The following SERINC5 variants were observed in gnomAD, a reference collection of about 807,000 sequenced individuals.
SERINC5 encodes the protein serine incorporator 5, also known as chromosome 5 open reading frame 12.
In SERINC5, 41 loss-of-function variants were observed where a neutral mutation model predicts 63.1. The observed-to-expected ratio is 0.65, with a 90% CI of 0.51 to 0.84. The LOEUF (loss-of-function observed/expected upper bound fraction) is 0.84. SERINC5 is among the 40% of genes least tolerant of loss of function. The pLI, the probability that SERINC5 is intolerant of heterozygous loss-of-function variation, is 0.00. For synonymous variants in SERINC5, 222 were observed against 215.2 expected, an observed-to-expected ratio of 1.03 and a Z score of -0.28; for missense variants, 523 against 573.0, an observed-to-expected ratio of 0.91 and a Z score of 0.89.
intron 2 of SERINC5, among the ~76,000 whole-genome samples, chr5:80,192,388 T>C (rs1035647781): frequency 6.6e-6 from 1 of 152,006 alleles, no homozygotes; most frequent in African/African-American, 2.4e-5. Context: ...TGTCCTCAAA[T>C]GGAACTTGGG....
rs942438749 is a variant in SERINC5, at chr5:80,138,728, T to C, written c.*4935A>G. On this transcript the variant is annotated 3_prime_UTR_variant, in exon 12 of 12. Transcript: ENST00000507668. ...ATATACATATTTCAAAACATCATGT[T>C]GCACACCACAGATATATATCTTTTA... 1 of 745,416 alleles carries C rather than the reference T, an allele frequency of 1.3e-6. No individual in the cohort carries two copies. Among genetic ancestry groups the C allele is most frequent in the Non-Finnish European group, 1.6e-6 (1 of 611,230 alleles). The allele number at this position is 745,416 out of a possible 1,614,324, so 46.2% of individuals were successfully genotyped here.
chr5:80,198,107 A>C (rs1309504754), intron 2 of SERINC5, among the ~76,000 whole-genome samples: 3 of 152,020 alleles, frequency 2.0e-5, no homozygotes, highest in Non-Finnish European at 1.5e-5. Flanking sequence ...CAAAGTGCTG[A>C]CATTACAGGC....
At chr5:80,232,117 A>G (rs1405900576) in intron 1 of SERINC5, among the ~76,000 whole-genome samples, 16 of 151,532 alleles carry the variant, frequency 1.1e-4, no homozygotes, top group Non-Finnish European at 1.5e-5. Flanking sequence ...AAAAAAAAAA[A>G]AAAAAGGCCG....
At chr5:80,189,325 T>A (rs930023223) in intron 2 of SERINC5, among the ~76,000 whole-genome samples, 1 of 152,128 alleles carries the variant, frequency 6.6e-6, no homozygotes, top group African/African-American at 2.4e-5. Context: ...AAGGTCAACA[T>A]GTCAATCTTC....
At chr5:80,206,755 C>A (rs896130241) in intron 1 of SERINC5, among the ~76,000 whole-genome samples, 2 of 150,078 alleles carry the variant, frequency 1.3e-5, no homozygotes, top group African/African-American at 4.9e-5. Context: ...CTTTAGCTGG[C>A]TTTTCTCTGG....
At position 80,166,394 on chromosome 5, in the gene SERINC5, G is replaced by A. The variant is rs919359856; in HGVS notation, c.848C>T (p.Pro283Leu). Residue 283 changes from proline to leucine, a missense_variant, in exon 7 of 12, where the codon CCT (proline) becomes CTT (leucine). By Grantham distance (98) the Pro-to-Leu change is moderately conservative (BLOSUM62 -3). Coordinates refer to ENST00000507668, the MANE Select transcript of SERINC5 (RefSeq NM_001174072.3). ...ACAGGCTGGCTTACCTACTTCTGCA[G>A]GTTTGCTGGACAGAGCTGAGAAGGT... ...YLTFSALSSKPAEVVLDEHGK... is the reference protein window; with the variant it reads ...YLTFSALSSKLAEVVLDEHGK... 1 of 1,585,382 alleles carries A rather than the reference G, an allele frequency of 6.3e-7. No individual in the cohort carries two copies. Among genetic ancestry groups the A allele is most frequent in the African/African-American group, 1.3e-5 (1 of 74,428 alleles).
chr5:80,169,359 C>T lies in SERINC5; in HGVS notation c.739G>A (p.Ala247Thr), dbSNP rs1312144446. 4 of 1,613,904 alleles carry T rather than the reference C, an allele frequency of 2.5e-6. No homozygotes were observed. The South Asian group carries it at 3.3e-5, about 13-fold the overall frequency. The change falls in exon 6 of 12, where the codon GCC (alanine) becomes ACC (threonine). Residue 247 changes from alanine to threonine, a missense_variant. Transcript: ENST00000507668. ...CGATTTTGGACCCAGGGTGAGATGG[C>T]TACCAATGATATAAGCAGGCACAGG... ...GGLCLLISLVAISPWVQNRQP... is the reference protein window; with the variant it reads ...GGLCLLISLVTISPWVQNRQP...
Position 80,239,235 on chromosome 5 carries a change from T to A in SERINC5, c.27+16661A>T, listed in dbSNP as rs535652539. Among the ~76,000 whole-genome samples, 3 of 152,332 alleles carry A rather than the reference T, an allele frequency of 2.0e-5. No individual in the cohort carries two copies. The East Asian group carries it at 5.8e-4, about 29-fold the overall frequency. On this transcript the variant is annotated intron_variant, in intron 1 of 11. Coordinates refer to ENST00000507668, the MANE Select transcript of SERINC5 (RefSeq NM_001174072.3). ...CCCGGAGCAACGGGCATTACGCCCA[T>A]CAGAAACCTCATCAGCAGCTGTGAG... is the stretch of plus-strand genomic sequence containing the variant.
intron 1 of SERINC5, among the ~76,000 whole-genome samples, chr5:80,224,133 CAAAAAAA>C (rs33915521): frequency 6.9e-5 from 7 of 102,160 alleles, no homozygotes; most frequent in African/African-American, 1.6e-4. Context: ...AACTCCGTCT[CAAAAAAA>C]AAAAAAAAAG....
chr5:80,219,487 TC>T (rs1255413585), intron 1 of SERINC5, among the ~76,000 whole-genome samples: 8 of 152,078 alleles, frequency 5.3e-5, no homozygotes, highest in Admixed American at 2.0e-4. Flanking sequence ...TGTGTGCCTT[TC>T]CCCCAAACAA....
At chr5:80,156,132 T>A (rs76136784) in intron 8 of SERINC5, among the ~76,000 whole-genome samples, 3 of 152,050 alleles carry the variant, frequency 2.0e-5, no homozygotes, top group Non-Finnish European at 2.9e-5. Context: ...ATCTTGGCCT[T>A]CTTCTCCTTT....
intron 6 of SERINC5, among the ~76,000 whole-genome samples, chr5:80,168,412 G>C (rs946232439): frequency 6.6e-6 from 1 of 152,090 alleles, no homozygotes; most frequent in Non-Finnish European, 1.5e-5. Flanking sequence ...AGTTGGCCAG[G>C]CTAGTCTTGA....
At position 80,249,187 on chromosome 5, in the gene SERINC5, T is replaced by C. The variant is rs553756226; in HGVS notation, c.27+6709A>G. Among the ~76,000 whole-genome samples the C allele has an allele frequency of 3.3e-5, 5 of 152,076 alleles. No homozygotes were observed. In the South Asian group the frequency reaches 6.2e-4, roughly 19 times the overall value. On this transcript the variant is annotated intron_variant, in intron 1 of 11. Coordinates refer to ENST00000507668, the MANE Select transcript of SERINC5 (RefSeq NM_001174072.3). ...AAAATTAGCCGGGCGTGGTGATGGGTGCCTGTAGTCCCAGCTACTCGGGAG... is the reference window on the plus strand; with the variant it reads ...AAAATTAGCCGGGCGTGGTGATGGGCGCCTGTAGTCCCAGCTACTCGGGAG...
intron 4 of SERINC5, 99 bp from the exon 5 acceptor site, chr5:80,175,146 C>T: frequency 1.4e-6 from 1 of 696,338 alleles, no homozygotes; most frequent in Admixed American, 2.9e-5. Context: ...ATCAGTGTAC[C>T]TAACATATTT....
In SERINC5 at chr5:80,142,735, C is replaced by G; in HGVS notation, c.*928G>C. 2 of 985,408 alleles carry G rather than the reference C, an allele frequency of 2.0e-6. No individual in the cohort carries two copies. The highest frequency in any genetic ancestry group is 2.4e-6 in the Non-Finnish European group (2 of 829,932). 61.0% of individuals were successfully genotyped at this position (985,408 alleles called of 1,614,324 possible). ...GGGCTGACCTCAACAACTGAAAGAGCAGTGCATGCAGCAGGCTTCAACACG... is the reference window on the plus strand; with the variant it reads ...GGGCTGACCTCAACAACTGAAAGAGGAGTGCATGCAGCAGGCTTCAACACG... On this transcript the variant is annotated 3_prime_UTR_variant, in exon 12 of 12. Coordinates refer to ENST00000507668, the MANE Select transcript of SERINC5 (RefSeq NM_001174072.3).
chr5:80,233,488 T>A (rs1580202487), intron 1 of SERINC5, among the ~76,000 whole-genome samples: 1 of 133,676 alleles, frequency 7.5e-6, no homozygotes, highest in African/African-American at 3.0e-5. Context: ...AGGATAAGTT[T>A]AAAAAAAACT....
chr5:80,167,522 T>C (rs1420844459), intron 6 of SERINC5, among the ~76,000 whole-genome samples: 1 of 152,226 alleles, frequency 6.6e-6, no homozygotes, highest in African/African-American at 2.4e-5. Context: ...TCCATATCTT[T>C]GCTATTGTGA....
intron 1 of SERINC5, chr5:80,255,304 AG>A (rs1353634401): frequency 6.5e-6 from 1 of 154,048 alleles, no homozygotes; most frequent in African/African-American, 2.4e-5. Context: ...GTACCGAGCC[AG>A]GGTTGGGTCG....
chr5:80,190,955 T>A (rs961079528), intron 2 of SERINC5, among the ~76,000 whole-genome samples: 3 of 46 alleles, frequency 0.065, no homozygotes, highest in African/African-American at 0.17. Flanking sequence ...TCTTCCTGGA[T>A]CACCAAATGC....
Sources: allele counts gnomAD v4.1 joint callset (sites outside exome capture counted in the v4.1 genomes callset), GRCh38; gene constraint gnomAD v4.1.1; transcripts MANE v1.5; gene names NCBI Gene and HGNC (gene_info 2026-07-23, HGNC 2026-07-21).